Variants in DLC1 observed in about 807,000 individuals in gnomAD.
DLC1 encodes rho GTPase-activating protein 7.
In DLC1, 54 loss-of-function variants were observed where a neutral mutation model predicts 140.3. The ratio of observed to expected loss-of-function variants is 0.38; its 90% CI spans 0.31 to 0.48. The LOEUF (loss-of-function observed/expected upper bound fraction) is 0.48, where lower values mean the gene tolerates loss of function less well. DLC1 is among the 20% of genes least tolerant of loss of function. The pLI is 0.96. For missense variants in DLC1, 2,536 were observed against 1,907.0 expected (o/e 1.33, Z -6.14); for synonymous variants, 986 against 728.1 (o/e 1.35, Z -5.70).
At chr8:13,150,905 T>C (rs769139006) in intron 5 of DLC1, among the ~76,000 whole-genome samples, 25 of 152,206 alleles carry the variant, frequency 1.6e-4, no homozygotes, top group Admixed American at 6.5e-5. Context: ...TAAGTAATAG[T>C]GAAGCTCAGA....
Position 13,162,658 on chromosome 8 carries a change from G to T in DLC1, c.1349-47001C>A, listed in dbSNP as rs113642221. Among the ~76,000 whole-genome samples the T allele has an allele frequency of 3.6e-3, 549 of 152,204 alleles. 2 individuals are homozygous for T. The highest frequency in any genetic ancestry group is 0.013 in the African/African-American group (535 of 41,560). The stretch of plus-strand genomic sequence containing the variant: ...AGTTTTAAACAACTGGGTTTGGCTG[G>T]TACAGTGGGTACAGCTCACGAATGT... On this transcript the variant is annotated intron_variant, in intron 5 of 17. Transcript: ENST00000276297.
intron 1 of DLC1, among the ~76,000 whole-genome samples, chr8:13,579,750 C>A (rs1288921705): frequency 6.6e-6 from 1 of 150,712 alleles, no homozygotes; most frequent in Non-Finnish European, 1.5e-5. Flanking sequence ...TAGGTAGCAG[C>A]AGCAGCAAAA....
intron 5 of DLC1, among the ~76,000 whole-genome samples, chr8:13,143,621 A>T (rs1463711556): frequency 2.8e-5 from 4 of 145,152 alleles, no homozygotes; most frequent in Admixed American, 6.9e-5. Flanking sequence ...ACCCTGGTTG[A>T]TTTTTTTTTT....
At chr8:13,188,801 G>GTGTGTATATA (rs1293675412) in intron 5 of DLC1, among the ~76,000 whole-genome samples, 3 of 71,900 alleles carry the variant, frequency 4.2e-5, no homozygotes, top group African/African-American at 1.3e-4. Flanking sequence ...GTGTGTGTGT[G>GTGTGTATATA]TATATATATA....
At chr8:13,188,788 T>A (rs1416403708) in intron 5 of DLC1, among the ~76,000 whole-genome samples, 1 of 99,374 alleles carries the variant, frequency 1.0e-5, no homozygotes, top group Non-Finnish European at 2.0e-5. Context: ...TGTGTGTGTG[T>A]GTGTGTGTGT....
At chr8:13,424,850 G>A (rs1056849083) in intron 2 of DLC1, among the ~76,000 whole-genome samples, 2 of 152,082 alleles carry the variant, frequency 1.3e-5, no homozygotes, top group African/African-American at 4.8e-5. Flanking sequence ...TGGGATTACA[G>A]GCATGACAAA....
intron 1 of DLC1, among the ~76,000 whole-genome samples, chr8:13,583,294 C>G (rs1286079353): frequency 6.6e-6 from 1 of 152,108 alleles, no homozygotes; most frequent in Non-Finnish European, 1.5e-5. Context: ...ATGGAATATT[C>G]CAAATCCATT....
At chr8:13,182,665 GT>G (rs1826109645) in intron 5 of DLC1, among the ~76,000 whole-genome samples, 1 of 152,132 alleles carries the variant, frequency 6.6e-6, no homozygotes, top group Non-Finnish European at 1.5e-5. Context: ...CCTCTGTTCT[GT>G]TCCATTGGTC....
intron 1 of DLC1, chr8:13,568,129 A>T: frequency 1.4e-6 from 1 of 695,816 alleles, no homozygotes; most frequent in Non-Finnish European, 2.3e-6. Context: ...AAAAACTTTT[A>T]CAAAATTCCA....
rs754366245 is a variant in DLC1 at position 13,393,657 on chromosome 8, T to C, written c.1210A>G (p.Ile404Val). 1.6e-5 allele frequency: 26 copies of C among 1,613,998 alleles called. No individual in the cohort carries two copies. In the South Asian group the frequency reaches 2.7e-4, roughly 17 times the overall value. The stretch of plus-strand genomic sequence containing the variant: ...TTTACTCGTGTCTGATTTACTGAAA[T>C]GGTATCTGCTCCACTTTCAGATCCT... ...ESGSESGADT[I>V]SVNQTRVNLS... The change falls in exon 4 of 18, where the codon ATT becomes GTT. Residue 404 changes from isoleucine to valine, a missense_variant. Transcript: ENST00000276297.
intron 4 of DLC1, among the ~76,000 whole-genome samples, chr8:13,366,009 G>T (rs536509877): frequency 6.6e-6 from 1 of 152,178 alleles, no homozygotes; most frequent in South Asian, 2.1e-4. Flanking sequence ...AGAAGGTGAA[G>T]TGGGAAAAGT....
chr8:13,502,738 C>T (rs1268626900), intron 1 of DLC1, among the ~76,000 whole-genome samples: 2 of 150,006 alleles, frequency 1.3e-5, no homozygotes, highest in Admixed American at 6.6e-5. Flanking sequence ...AAAAAACTGA[C>T]TACTTATTTT....
At chr8:13,482,403 A>G (rs1800778627) in intron 2 of DLC1, among the ~76,000 whole-genome samples, 1 of 111,256 alleles carries the variant, frequency 9.0e-6, no homozygotes, top group Admixed American at 8.7e-5. Context: ...TGTATCATTT[A>G]CATATTAAAA....
intron 2 of DLC1, among the ~76,000 whole-genome samples, chr8:13,473,399 G>A (rs1281140688): frequency 2.4e-4 from 37 of 152,084 alleles, no homozygotes; most frequent in Admixed American, 2.4e-3. Context: ...CCCTGCACAG[G>A]CTCTCTTGTT....
chr8:13,309,838 G>T (rs1220633713), intron 4 of DLC1, among the ~76,000 whole-genome samples: 4 of 152,086 alleles, frequency 2.6e-5, no homozygotes, highest in Admixed American at 2.0e-4. Flanking sequence ...CAATCTGAAT[G>T]TCTTGTCAAT....
intron 2 of DLC1, among the ~76,000 whole-genome samples, chr8:13,487,091 G>A (rs80270362): frequency 6.6e-6 from 1 of 152,124 alleles, no homozygotes; most frequent in African/African-American, 2.4e-5. Flanking sequence ...TGGAATCAGA[G>A]CACAATTAGT....
chr8:13,239,637 C>G (rs1829457461), intron 5 of DLC1, among the ~76,000 whole-genome samples: 1 of 152,116 alleles, frequency 6.6e-6, no homozygotes. Flanking sequence ...CTCAGATATA[C>G]ACATATGCAC....
At chr8:13,386,574 A>G (rs909157847) in intron 4 of DLC1, among the ~76,000 whole-genome samples, 3 of 152,152 alleles carry the variant, frequency 2.0e-5, no homozygotes, top group Non-Finnish European at 1.5e-5. Context: ...AGACGTCAGT[A>G]TCTGAAAACA....
At chr8:13,564,721 C>A (rs1230416711) in intron 1 of DLC1, among the ~76,000 whole-genome samples, 2 of 152,062 alleles carry the variant, frequency 1.3e-5, no homozygotes, top group African/African-American at 2.4e-5. Context: ...CTGGGGTTGG[C>A]CTTATAGCTG....
Sources: allele counts gnomAD v4.1 joint callset (sites outside exome capture counted in the v4.1 genomes callset), GRCh38; gene constraint gnomAD v4.1.1; transcripts MANE v1.5; gene names NCBI Gene and HGNC (gene_info 2026-07-23, HGNC 2026-07-21).